The following NR1D2 variants were observed in gnomAD, a reference collection of about 807,000 sequenced individuals.
NR1D2 encodes nuclear receptor subfamily 1 group D member 2.
Under a neutral mutation model 52.2 loss-of-function variants are expected in NR1D2, and 25 were observed. That is an observed-to-expected ratio of 0.48 (90% CI 0.35 to 0.67). The LOEUF (loss-of-function observed/expected upper bound fraction) is 0.67, where lower values mean the gene tolerates loss of function less well. NR1D2 is among the 30% of genes least tolerant of loss of function. NR1D2 has a pLI of 0.01. For missense variants in NR1D2, 681 were observed against 707.2 expected, an observed-to-expected ratio of 0.96 and a Z score of 0.42; for synonymous variants, 259 against 230.1, an observed-to-expected ratio of 1.13 and a Z score of -1.14.
chr3:23,962,801 C>G lies in NR1D2; in HGVS notation c.1146+196C>G, dbSNP rs566872936. On this transcript the variant is annotated intron_variant, in intron 5 of 7. Coordinates refer to ENST00000312521, the MANE Select transcript of NR1D2 (RefSeq NM_005126.5). ...ATGAATGACCTAATTTCACACCCAG[C>G]TAGGTACAAGCATGTGATTTGATTG... is the stretch of plus-strand genomic sequence containing the variant. Among the ~76,000 whole-genome samples the G allele has an allele frequency of 3.9e-5, 6 of 152,182 alleles. No homozygotes were observed. In the East Asian group the frequency reaches 1.2e-3, roughly 29 times the overall value.
chr3:23,975,003 G>A lies in NR1D2; in HGVS notation c.1544-2220G>A, dbSNP rs144804220. Among the ~76,000 whole-genome samples the A allele has an allele frequency of 6.3e-4, 95 of 151,786 alleles. 1 individual carries two copies. Among genetic ancestry groups the A allele is most frequent in the African/African-American group, 2.2e-3 (93 of 41,390 alleles). ...CCGGCTAAATTTTGTATTTTTAGTAGAGACGAGGTTTCACCATGTTGGCCA... is the reference window on the plus strand; with the variant it reads ...CCGGCTAAATTTTGTATTTTTAGTAAAGACGAGGTTTCACCATGTTGGCCA... On this transcript the variant is annotated intron_variant, in intron 7 of 7. Coordinates refer to ENST00000312521, the MANE Select transcript of NR1D2 (RefSeq NM_005126.5).
chr3:23,967,238 G>A (rs564199879), intron 6 of NR1D2, among the ~76,000 whole-genome samples: 3 of 152,134 alleles, frequency 2.0e-5, no homozygotes, highest in East Asian at 3.9e-4. Flanking sequence ...CAGGAGAATC[G>A]CTTGAACCCA....
At chr3:23,969,735 A>T (rs1706539546) in intron 7 of NR1D2, among the ~76,000 whole-genome samples, 1 of 152,242 alleles carries the variant, frequency 6.6e-6, no homozygotes, top group Admixed American at 6.5e-5. Flanking sequence ...AAACTACACA[A>T]AGAGCTTTAT....
At chr3:23,959,939 A>C (rs2125289352) in intron 4 of NR1D2, 124 bp downstream of exon 4, 1 of 832,222 alleles carries the variant, frequency 1.2e-6, no homozygotes, top group Non-Finnish European at 1.8e-6. Context: ...AGCAGAAAAC[A>C]TATTTTCATG....
At chr3:23,951,093 T>C (rs1004644218) in intron 1 of NR1D2, among the ~76,000 whole-genome samples, 2 of 151,972 alleles carry the variant, frequency 1.3e-5, no homozygotes, top group African/African-American at 4.8e-5. Flanking sequence ...TTAGTAGAGA[T>C]GGGGTTTCTC....
chr3:23,977,570 C>T lies in NR1D2; in HGVS notation c.*151C>T, dbSNP rs572331871. ...TCTCTGTAATCATGCAATAGCTGTT[C>T]GGATTGAGAACTCTTCAGCCATGAT... On this transcript the variant is annotated 3_prime_UTR_variant, in exon 8 of 8. Coordinates refer to ENST00000312521, the MANE Select transcript of NR1D2 (RefSeq NM_005126.5). The T allele has an allele frequency of 2.6e-5, 12 of 468,182 alleles. No individual in the cohort carries two copies. The highest frequency in any genetic ancestry group is 2.3e-4 in the East Asian group (7 of 30,618). 29.0% of individuals were successfully genotyped at this position (468,182 alleles called of 1,614,324 possible). A position where few individuals can be genotyped will look rare whatever the true frequency, so the allele number is the denominator to read the frequency against.
chr3:23,954,276 A>G (rs1279732150), intron 1 of NR1D2, among the ~76,000 whole-genome samples: 4 of 152,276 alleles, frequency 2.6e-5, no homozygotes, highest in South Asian at 2.1e-4. Flanking sequence ...CCCCCAAAGT[A>G]CTATGATTAC....
At chr3:23,960,015 C>T (rs1706194034) in intron 4 of NR1D2, 200 bp downstream of exon 4, 1 of 389,046 alleles carries the variant, frequency 2.6e-6, no homozygotes, top group Admixed American at 4.6e-5. Flanking sequence ...CAGTTTTTGG[C>T]TAAACTTCTG....
Position 23,962,513 on chromosome 3 carries a change from C to CA in NR1D2, c.1057dup (p.Arg353LysfsTer4), listed in dbSNP as rs1706280584. 1 of 1,613,998 alleles carries CA rather than the reference C, an allele frequency of 6.2e-7. No individual in the cohort carries two copies. The highest frequency in any genetic ancestry group is 8.5e-7 in the Non-Finnish European group (1 of 1,179,944). The stretch of plus-strand genomic sequence containing the variant: ...TATGAACTTCTCCAATGCTTATACT[C>CA]AAAGAGTATGTGATAGAGTTCCGAT... On this transcript the variant is annotated frameshift_variant, in exon 5 of 8. Coordinates refer to ENST00000312521, the MANE Select transcript of NR1D2 (RefSeq NM_005126.5). LOFTEE classifies it high-confidence loss of function.
At position 23,979,928 on chromosome 3, in the gene NR1D2, G is replaced by T. The variant is rs1276563546; in HGVS notation, c.*2509G>T. The T allele has an allele frequency of 2.6e-5, 4 of 152,020 alleles. No homozygotes were observed. The highest frequency in any genetic ancestry group is 5.9e-5 in the Non-Finnish European group (4 of 67,952). The allele number at this position is 152,020 out of a possible 1,614,324, so 9.4% of individuals were successfully genotyped here. A position where few individuals can be genotyped will look rare whatever the true frequency, so the allele number is the denominator to read the frequency against. ...TGGGCATTATGTCAGCAAACTTAAG[G>T]GCATTATGTCAGCAAGCTAAAACAT... On this transcript the variant is annotated 3_prime_UTR_variant, in exon 8 of 8. Coordinates refer to ENST00000312521, the MANE Select transcript of NR1D2 (RefSeq NM_005126.5).
chr3:23,976,348 A>G (rs1360866429), intron 7 of NR1D2, among the ~76,000 whole-genome samples: 1 of 149,410 alleles, frequency 6.7e-6, no homozygotes, highest in African/African-American at 2.6e-5. Context: ...GGGTTAAGAT[A>G]TGATATGAGA....
chr3:23,973,575 G>A (rs1272933379), intron 7 of NR1D2, among the ~76,000 whole-genome samples: 2 of 152,190 alleles, frequency 1.3e-5, no homozygotes, highest in Non-Finnish European at 2.9e-5. Context: ...TGAGTGCATC[G>A]TGAGGGCATG....
At position 23,945,532 on chromosome 3, in the gene NR1D2, C is replaced by G. The variant is rs1559326787; in HGVS notation, c.-47C>G. The G allele has an allele frequency of 7.4e-6, 8 of 1,074,058 alleles. No individual in the cohort carries two copies. Among genetic ancestry groups the G allele is most frequent in the Non-Finnish European group, 8.1e-6 (7 of 867,212 alleles). 66.5% of individuals were successfully genotyped at this position (1,074,058 alleles called of 1,614,324 possible). ...GCTGAGGCGGCGGCGGCGGCGCTGC[C>G]CCCTCTGCGGGAAGCGGGCGGCCCC... On this transcript the variant is annotated 5_prime_UTR_variant, in exon 1 of 8. Coordinates refer to ENST00000312521, the MANE Select transcript of NR1D2 (RefSeq NM_005126.5).
chr3:23,956,833 G>A (rs1575149740), intron 3 of NR1D2, among the ~76,000 whole-genome samples: 1 of 152,094 alleles, frequency 6.6e-6, no homozygotes, highest in South Asian at 2.1e-4. Context: ...AAAAATTAAC[G>A]TGATGAAGAC....
chr3:23,969,009 C>T (rs139120605), intron 7 of NR1D2, among the ~76,000 whole-genome samples: 24 of 152,218 alleles, frequency 1.6e-4, no homozygotes, highest in African/African-American at 3.6e-4. Context: ...CTTGGCCAGG[C>T]GCCAGGGGTG....
At chr3:23,976,767 G>T (rs56174505) in intron 7 of NR1D2, among the ~76,000 whole-genome samples, 61,911 of 152,042 alleles carry the variant, frequency 0.41, 12,903 homozygotes, top group Middle Eastern at 0.57. Flanking sequence ...AGGAGGTTGC[G>T]CAAGGGTGCG....
rs949220348 is a variant in NR1D2 at position 23,979,340 on chromosome 3, T to C, written c.*1921T>C. The stretch of plus-strand genomic sequence containing the variant: ...AGCATTATCTTTTTATAATTTTTTT[T>C]CCTAAGATAAACAAATGCATAGTTT... On this transcript the variant is annotated 3_prime_UTR_variant, in exon 8 of 8. Transcript: ENST00000312521. 6.6e-6 allele frequency: 1 copy of C among 152,082 alleles called. No individual in the cohort carries two copies. The highest frequency in any genetic ancestry group is 1.5e-5 in the Non-Finnish European group (1 of 67,912). 9.4% of individuals were successfully genotyped at this position (152,082 alleles called of 1,614,324 possible).
At chr3:23,968,420 G>A (rs1706506541) in intron 7 of NR1D2, among the ~76,000 whole-genome samples, 1 of 152,182 alleles carries the variant, frequency 6.6e-6, no homozygotes, top group Non-Finnish European at 1.5e-5. Flanking sequence ...GTATCAAGAG[G>A]TATTAGTGTG....
chr3:23,958,178 T>A (rs951428829), intron 3 of NR1D2, among the ~76,000 whole-genome samples: 1 of 152,202 alleles, frequency 6.6e-6, no homozygotes, highest in African/African-American at 2.4e-5. Flanking sequence ...TGTTGGTGTG[T>A]GGTGTAACAC....
Sources: allele counts gnomAD v4.1 joint callset (sites outside exome capture counted in the v4.1 genomes callset), GRCh38; gene constraint gnomAD v4.1.1; transcripts MANE v1.5; gene names NCBI Gene and HGNC (gene_info 2026-07-23, HGNC 2026-07-21).